The following CFAP298 variants were observed in gnomAD, a reference collection of about 807,000 sequenced individuals.
CFAP298 encodes the protein cilia and flagella associated protein 298, also known as cilia- and flagella-associated protein 298.
CFAP298 carries 38 observed loss-of-function variants against 41.0 expected under a neutral mutation model. The observed-to-expected ratio is 0.93, with a 90% CI of 0.72 to 1.22. The LOEUF (loss-of-function observed/expected upper bound fraction) is 1.22. Ranked by LOEUF, CFAP298 falls within the 50% of genes most tolerant of loss-of-function variation. CFAP298 has a pLI of 0.00. For synonymous variants in CFAP298, 137 were observed against 135.3 expected (o/e 1.01, Z -0.09); for missense variants, 348 against 360.3 (o/e 0.97, Z 0.28).
rs766323336 is a variant in CFAP298 at position 32,609,992 on chromosome 21, T to A, written c.153A>T (p.Leu51Phe). 1 of 1,613,222 alleles carries A rather than the reference T, an allele frequency of 6.2e-7. No homozygotes were observed. The highest frequency in any genetic ancestry group is 8.5e-7 in the Non-Finnish European group (1 of 1,179,648). The stretch of plus-strand genomic sequence containing the variant: ...GAGGGAGAAATATGCCATGTTCGGC[T>A]AATTCTTCCATTTCTTAAAAATAAG... ...VQRLCSEMEE[L>F]AEHGIFLPPN... The change falls in exon 2 of 7, where the codon TTA becomes TTT. Residue 51 changes from leucine (L) to phenylalanine (F), a missense_variant. Physicochemically the swap from Leu to Phe is conservative, Grantham distance 22. Coordinates refer to ENST00000290155, the MANE Select transcript of CFAP298 (RefSeq NM_021254.4).
At chr21:32,609,246 T>C (rs113604452) in intron 2 of CFAP298, among the ~76,000 whole-genome samples, 133 of 152,296 alleles carry the variant, frequency 8.7e-4, no homozygotes, top group African/African-American at 3.1e-3. Flanking sequence ...TGCCAACAAT[T>C]ATTAGGTGGA....
intron 3 of CFAP298, 133 bp from the exon 4 acceptor site, chr21:32,604,416 G>A (rs1386326880): frequency 1.0e-6 from 1 of 984,734 alleles, no homozygotes; most frequent in East Asian, 2.5e-5. Flanking sequence ...TGCTCCCAGA[G>A]TGACTACCAT....
At chr21:32,612,011 C>T (rs571803194) in intron 1 of CFAP298, 94 bp downstream of exon 1, 3 of 1,379,408 alleles carry the variant, frequency 2.2e-6, no homozygotes, top group Non-Finnish European at 2.8e-6. Context: ...CAATAATCTT[C>T]ACAAACCTGA....
intron 3 of CFAP298, among the ~76,000 whole-genome samples, chr21:32,606,728 A>G (rs940521180): frequency 2.0e-5 from 3 of 152,254 alleles, no homozygotes; most frequent in African/African-American, 7.2e-5. Flanking sequence ...GAAGCAGAAG[A>G]AAAAGTGGTG....
At chr21:32,607,614 C>T (rs761435759) in intron 3 of CFAP298, 35 bp downstream of exon 3, 11 of 1,276,396 alleles carry the variant, frequency 8.6e-6, no homozygotes, top group Non-Finnish European at 6.5e-6. Flanking sequence ...AAAAAAAACC[C>T]AACAAGTTTT....
At chr21:32,602,917 A>G in intron 5 of CFAP298, 1 of 1,193,262 alleles carries the variant, frequency 8.4e-7, no homozygotes, top group Non-Finnish European at 1.1e-6. Flanking sequence ...TTACGCTTGA[A>G]ATTAACATAG....
rs1015876558 is a variant in CFAP298 at position 32,601,824 on chromosome 21, T to A, written c.*39A>T. 9.6e-7 allele frequency: 1 copy of A among 1,043,082 alleles called. No homozygotes were observed. Among genetic ancestry groups the A allele is most frequent in the Non-Finnish European group, 1.5e-6 (1 of 672,200 alleles). 64.6% of individuals were successfully genotyped at this position (1,043,082 alleles called of 1,614,324 possible). ...AAATTATAATTGCCTAGGAGAAAGG[T>A]GAGCTAATCTCTTTGGAAGTGTCAT... On this transcript the variant is annotated 3_prime_UTR_variant, in exon 7 of 7. Transcript: ENST00000290155.
intron 3 of CFAP298, chr21:32,604,589 G>C (rs2038826704): frequency 3.1e-6 from 1 of 326,788 alleles, no homozygotes. Flanking sequence ...ACGGCAGGGG[G>C]AGCAGGCACC....
intron 1 of CFAP298, 121 bp from the exon 2 acceptor site, chr21:32,610,126 T>C: frequency 1.2e-6 from 1 of 858,592 alleles, no homozygotes; most frequent in Non-Finnish European, 1.8e-6. Flanking sequence ...CAAACATTTA[T>C]ATGCCACTTG....
intron 2 of CFAP298, 47 bp downstream of exon 2, chr21:32,609,791 C>A: frequency 6.7e-7 from 1 of 1,502,618 alleles, no homozygotes; most frequent in Non-Finnish European, 9.1e-7. Context: ...TGTTTTCATA[C>A]TTATGCCTGT....
At chr21:32,605,092 T>C (rs745642615) in intron 3 of CFAP298, among the ~76,000 whole-genome samples, 1 of 152,010 alleles carries the variant, frequency 6.6e-6, no homozygotes, top group Non-Finnish European at 1.5e-5. Context: ...GGCAGGACAA[T>C]TGCTTGAGCC....
Position 32,600,303 on chromosome 21 carries a change from T to C in CFAP298, c.*1560A>G, listed in dbSNP as rs2038714235. The stretch of plus-strand genomic sequence containing the variant: ...GAGTAAGGCACAAGATGCAGTCAGC[T>C]ACAAAGCACTTCAGAGAACAGCGCT... On this transcript the variant is annotated 3_prime_UTR_variant, in exon 7 of 7. Coordinates refer to ENST00000290155, the MANE Select transcript of CFAP298 (RefSeq NM_021254.4). Among the ~76,000 whole-genome samples the C allele has an allele frequency of 2.6e-5, 4 of 152,250 alleles. No homozygotes were observed. Among genetic ancestry groups the C allele is most frequent in the Admixed American group, 2.6e-4 (4 of 15,288 alleles).
Position 32,601,664 on chromosome 21 carries a change from A to G in CFAP298, c.*199T>C. The stretch of plus-strand genomic sequence containing the variant: ...TAGTCCTGAAACAAAAACGATTTAC[A>G]CATTTTCTTCTGACTAGGTATTTAT... On this transcript the variant is annotated 3_prime_UTR_variant, in exon 7 of 7. Transcript: ENST00000290155. The G allele has an allele frequency of 2.0e-6, 1 of 499,588 alleles. No homozygotes were observed. The allele number at this position is 499,588 out of a possible 1,614,324, so 30.9% of individuals were successfully genotyped here.
In CFAP298 at chr21:32,601,288, CTTTTTTTTT is replaced by C. The variant is rs1158009254; in HGVS notation, c.*566_*574del. Reference sequence around the variant, plus strand: ...CAATCAGGAAGAAAAAAAAGTGTAGCTTTTTTTTTTTTTTTTTTTTTTTTTGAGACAAGA... The same window carrying C: ...CAATCAGGAAGAAAAAAAAGTGTAGCTTTTTTTTTTTTTTTTGAGACAAGA... On this transcript the variant is annotated 3_prime_UTR_variant, in exon 7 of 7. Coordinates refer to ENST00000290155, the MANE Select transcript of CFAP298 (RefSeq NM_021254.4). Among the ~76,000 whole-genome samples the C allele has an allele frequency of 2.2e-3, 205 of 92,290 alleles. 4 individuals carry two copies. The highest frequency in any genetic ancestry group is 9.0e-3 in the African/African-American group (198 of 22,032). The allele number at this position is 92,290 out of a possible 152,430, so 60.5% of individuals were successfully genotyped here.
intron 5 of CFAP298, chr21:32,602,840 C>T: frequency 7.1e-7 from 1 of 1,409,584 alleles, no homozygotes; most frequent in Non-Finnish European, 9.2e-7. Flanking sequence ...TTTGAAAAAG[C>T]CTGAAATCAG....
intron 3 of CFAP298, among the ~76,000 whole-genome samples, chr21:32,606,449 A>C (rs2038868272): frequency 6.6e-6 from 1 of 152,188 alleles, no homozygotes; most frequent in African/African-American, 2.4e-5. Flanking sequence ...GTTCCACAGC[A>C]AAGTGTGGGG....
chr21:32,603,192 T>G lies in CFAP298; in HGVS notation c.635A>C (p.Glu212Ala), dbSNP rs1383017456. 6.2e-7 allele frequency: 1 copy of G among 1,614,246 alleles called. No individual in the cohort carries two copies. The highest frequency in any genetic ancestry group is 8.5e-7 in the Non-Finnish European group (1 of 1,180,042). The change falls in exon 5 of 7, where the codon GAA becomes GCA. Residue 212 changes from glutamate to alanine, a missense_variant. Physicochemically the swap from Glu to Ala is moderately radical, Grantham distance 107. Transcript: ENST00000290155. ...AATCTTGGCGATAATTTTGGTTTTT[T>G]CATTCTTCCCCACGTAGTCTGAAAG... ...KKLSDYVGKN[E>A]KTKIIAKIQQ...
In CFAP298 at chr21:32,602,380, G is replaced by C; in HGVS notation, c.667-13C>G. 1.2e-6 allele frequency: 2 copies of C among 1,608,290 alleles called. No homozygotes were observed. Among genetic ancestry groups the C allele is most frequent in the East Asian group, 2.2e-5 (1 of 44,862 alleles). On this transcript the variant is annotated splice_polypyrimidine_tract_variant and intron_variant, in intron 5 of 6. Coordinates refer to ENST00000290155, the MANE Select transcript of CFAP298 (RefSeq NM_021254.4). ...CTCCCTGTCCCCTCTGCAAAGAGGA[G>C]AGCAGAGCAAATTGTGGATTAAGGT...
rs1217078288 is a variant in CFAP298 at position 32,600,424 on chromosome 21, C to A, written c.*1439G>T. On this transcript the variant is annotated 3_prime_UTR_variant, in exon 7 of 7. Transcript: ENST00000290155. ...ACCTCCACTCACTCCCAGGGTTCCT[C>A]TTTGCAGGATGGTGGGGAGCGCAGG... Among the ~76,000 whole-genome samples, 3 of 152,196 alleles carry A rather than the reference C, an allele frequency of 2.0e-5. No homozygotes were observed. Among genetic ancestry groups the A allele is most frequent in the Non-Finnish European group, 4.4e-5 (3 of 68,024 alleles).
Sources: allele counts gnomAD v4.1 joint callset (sites outside exome capture counted in the v4.1 genomes callset), GRCh38; gene constraint gnomAD v4.1.1; transcripts MANE v1.5; gene names NCBI Gene and HGNC (gene_info 2026-07-23, HGNC 2026-07-21).